Variants in UNKL observed in about 807,000 individuals in gnomAD.
UNKL encodes the protein unk like zinc finger, also known as putative E3 ubiquitin-protein ligase UNKL.
A neutral mutation model predicts 78.0 loss-of-function variants in UNKL; 60 were observed. That is an observed-to-expected ratio of 0.77 (90% CI 0.63 to 0.95). The LOEUF is 0.95. UNKL is among the 40% of genes least tolerant of loss of function. The probability of loss-of-function intolerance (pLI) is 0.00; values close to 1 mark genes in which losing one functional copy is unlikely to be tolerated. For synonymous variants in UNKL, 608 were observed against 474.8 expected (o/e 1.28, Z -3.65); for missense variants, 1,159 against 1,045.7 (o/e 1.11, Z -1.49).
intron 10 of UNKL, among the ~76,000 whole-genome samples, chr16:1,384,555 C>T (rs2036734769): frequency 6.6e-6 from 1 of 152,038 alleles, no homozygotes; most frequent in Non-Finnish European, 1.5e-5. Context: ...CTCCCCACCC[C>T]ATCACTGTCC....
intron 2 of UNKL, chr16:1,408,353 T>A (rs144369981): frequency 6.7e-6 from 1 of 150,372 alleles, no homozygotes; most frequent in South Asian, 2.1e-4. Flanking sequence ...CGGAGGGGCG[T>A]GTCGCGCGGA....
At chr16:1,404,413 A>C (rs2037659939) in intron 2 of UNKL, among the ~76,000 whole-genome samples, 1 of 152,176 alleles carries the variant, frequency 6.6e-6, no homozygotes, top group Non-Finnish European at 1.5e-5. Context: ...CCATCCTCTA[A>C]GGTCAGGAAA....
chr16:1,414,619 A>G lies in UNKL; in HGVS notation c.73T>C (p.Tyr25His). The change falls in exon 1 of 15, where the codon TAC becomes CAC. Residue 25 changes from tyrosine (Y) to histidine (H), a missense_variant. Tyr to His is a moderately conservative substitution (Grantham distance 83). Transcript: ENST00000389221. ...SPPQTEKPTH[Y>H]RYLKEFRTEQ... is the part of the protein sequence containing the mutation. ...GCAGGCCGGACGGGCGCTGACCTGT[A>G]GTGGGTCGGCTTCTCAGTCTGCGGG... 1 of 1,091,532 alleles carries G rather than the reference A, an allele frequency of 9.2e-7. No homozygotes were observed. Among genetic ancestry groups the G allele is most frequent in the Non-Finnish European group, 1.1e-6 (1 of 891,162 alleles). The allele number at this position is 1,091,532 out of a possible 1,614,324, so 67.6% of individuals were successfully genotyped here. A position where few individuals can be genotyped will look rare whatever the true frequency, so the allele number is the denominator to read the frequency against.
chr16:1,405,915 A>G (rs954951490), intron 2 of UNKL: 3 of 456,284 alleles, frequency 6.6e-6, no homozygotes, highest in African/African-American at 6.0e-5. Flanking sequence ...CCTGAACCCA[A>G]GGAGGGTCCA....
intron 13 of UNKL, 50 bp downstream of exon 13, chr16:1,367,606 C>T (rs111839679): frequency 1.6e-6 from 2 of 1,223,964 alleles, no homozygotes; most frequent in Non-Finnish European, 1.1e-6. Flanking sequence ...CACCTGAGTC[C>T]CCTGCGGCCC....
intron 10 of UNKL, chr16:1,383,997 C>A (rs2142084082): frequency 4.9e-6 from 1 of 202,570 alleles, no homozygotes; most frequent in South Asian, 6.6e-5. Flanking sequence ...TACCCCCAAC[C>A]CCATCCCATT....
chr16:1,381,594 T>G (rs1408833649), intron 10 of UNKL, among the ~76,000 whole-genome samples: 1 of 152,148 alleles, frequency 6.6e-6, no homozygotes, highest in Non-Finnish European at 1.5e-5. Context: ...CACTCCAGCC[T>G]GCACAACAGA....
rs576647814 is a variant in UNKL, at chr16:1,390,565, G to A, written c.1086+67C>T. 1.2e-4 allele frequency: 175 copies of A among 1,498,574 alleles called. No homozygotes were observed. In the African/African-American group the frequency reaches 2.2e-3, roughly 19 times the overall value. 92.8% of individuals were successfully genotyped at this position (1,498,574 alleles called of 1,614,324 possible). On this transcript the variant is annotated intron_variant, in intron 9 of 14. Transcript: ENST00000389221. Reference sequence around the variant, plus strand: ...TAACGCGATGCCACGGGTCAGGCACGAGGGCGGGAAGCCTCAGCCCTAACG... The same window carrying A: ...TAACGCGATGCCACGGGTCAGGCACAAGGGCGGGAAGCCTCAGCCCTAACG...
chr16:1,387,615 G>A lies in UNKL; in HGVS notation c.1087-2230C>T, dbSNP rs1222104243. 3.9e-5 allele frequency among the ~76,000 whole-genome samples: 6 copies of A among 152,180 alleles called. No homozygotes were observed. The East Asian group carries it at 5.8e-4, about 15-fold the overall frequency. Reference sequence around the variant, plus strand: ...GAGGAGGCAGGCACCAGCAAGGGGTGAGTGACGTGGGGCGGTCTGCTGAGC... The same window carrying A: ...GAGGAGGCAGGCACCAGCAAGGGGTAAGTGACGTGGGGCGGTCTGCTGAGC... On this transcript the variant is annotated intron_variant, in intron 9 of 14. Coordinates refer to ENST00000389221, the MANE Select transcript of UNKL (RefSeq NM_001372107.1). The surrounding 1 kb of genome is among the most constrained non-coding windows in gnomAD (Gnocchi z 4.1).
chr16:1,401,845 C>T lies in UNKL; in HGVS notation c.465-144G>A, dbSNP rs375143450. The T allele has an allele frequency of 2.9e-5, 34 of 1,158,760 alleles. No individual in the cohort carries two copies. In the Middle Eastern group the frequency reaches 6.2e-4, roughly 21 times the overall value. 71.8% of individuals were successfully genotyped at this position (1,158,760 alleles called of 1,614,324 possible). A position where few individuals can be genotyped will look rare whatever the true frequency, so the allele number is the denominator to read the frequency against. On this transcript the variant is annotated intron_variant, in intron 3 of 14. Transcript: ENST00000389221. ...TTCAGGACGGAGTCTCAGTGTGTGG[C>T]GCTCCGCTGTCCTGGCCCGCAGTCC...
At position 1,397,227 on chromosome 16, in the gene UNKL, TCGC is replaced by T. The variant is rs2037306363; in HGVS notation, c.800_802del (p.Gly267del). 2.6e-6 allele frequency: 4 copies of T among 1,545,024 alleles called. No individual in the cohort carries two copies. The highest frequency in any genetic ancestry group is 3.5e-6 in the Non-Finnish European group (4 of 1,146,938). On this transcript the variant is annotated inframe_deletion, in exon 6 of 15. Coordinates refer to ENST00000389221, the MANE Select transcript of UNKL (RefSeq NM_001372107.1). Reference sequence around the variant, plus strand: ...GCGGGAGTGGCAATACTGGCAGCCGTCGCCGCCATCGCAGCGTGAGGGTTCCCC... The same window carrying T: ...GCGGGAGTGGCAATACTGGCAGCCGTCGCCATCGCAGCGTGAGGGTTCCCC...
At chr16:1,366,998 G>GAAGGGGACACCGCACCAGC in intron 14 of UNKL, 94 bp downstream of exon 14, 1 of 1,436,926 alleles carries the variant, frequency 7.0e-7, no homozygotes, top group Non-Finnish European at 9.1e-7. Flanking sequence ...GGCAGGGGAG[G>GAAGGGGACACCGCACCAGC]AAGGGGACAC....
intron 6 of UNKL, 168 bp from the exon 7 acceptor site, chr16:1,394,383 C>T (rs1368629836): frequency 6.3e-6 from 5 of 792,422 alleles, no homozygotes; most frequent in East Asian, 2.7e-5. Context: ...TTGGTCCCCA[C>T]ATCCCTCCTC....
chr16:1,383,557 G>A, intron 10 of UNKL: 1 of 344,262 alleles, frequency 2.9e-6, no homozygotes, highest in Non-Finnish European at 6.0e-6. Context: ...CTGCCGATGT[G>A]TGGTCTGTGG....
At chr16:1,383,281 A>G (rs2036675917) in intron 10 of UNKL, among the ~76,000 whole-genome samples, 1 of 151,246 alleles carries the variant, frequency 6.6e-6, no homozygotes, top group African/African-American at 2.4e-5. Flanking sequence ...TCAAAAAAAA[A>G]AAAAAAACAA....
In UNKL at chr16:1,399,134, C is replaced by T. The variant is rs1489713365; in HGVS notation, c.734+240G>A. ...GTCCCCTTGCCTGGCAGAGGGGCCCCGGTAGGGGACTGCATGGGAGACACT... is the reference window on the plus strand; with the variant it reads ...GTCCCCTTGCCTGGCAGAGGGGCCCTGGTAGGGGACTGCATGGGAGACACT... On this transcript the variant is annotated intron_variant, in intron 5 of 14. Transcript: ENST00000389221. This position sits in a 1 kb window ranked among gnomAD's most constrained non-coding sequence, Gnocchi z 5.8. The T allele has an allele frequency of 5.2e-6, 6 of 1,145,246 alleles. No individual in the cohort carries two copies. The highest frequency in any genetic ancestry group is 5.3e-5 in the East Asian group (2 of 37,694). 70.9% of individuals were successfully genotyped at this position (1,145,246 alleles called of 1,614,324 possible).
intron 9 of UNKL, 123 bp downstream of exon 9, chr16:1,390,509 G>T: frequency 9.8e-7 from 1 of 1,020,896 alleles, no homozygotes; most frequent in Non-Finnish European, 1.4e-6. Flanking sequence ...AGCCGAGAGT[G>T]GGCGGGACCA....
intron 6 of UNKL, among the ~76,000 whole-genome samples, chr16:1,396,803 C>G (rs1362356895): frequency 6.6e-6 from 1 of 152,122 alleles, no homozygotes; most frequent in Admixed American, 6.6e-5. Context: ...CCAGGATGGT[C>G]TTGATCTCTT....
intron 5 of UNKL, chr16:1,398,546 G>A (rs971736436): frequency 1.5e-6 from 2 of 1,351,802 alleles, no homozygotes; most frequent in African/African-American, 1.5e-5. Context: ...GTGCTCTCCG[G>A]GGCATGCGAG....
Sources: gnomAD v4.1 joint callset for allele counts (sites outside exome capture counted in the v4.1 genomes callset) on GRCh38, gnomAD v4.1.1 for gene constraint, Gnocchi (gnomAD v3.1) non-coding constraint, MANE v1.5 for transcripts, NCBI Gene and HGNC (gene_info 2026-07-23, HGNC 2026-07-21) for gene names.